Variants in MEI1 observed in about 807,000 individuals in gnomAD.
MEI1 encodes meiotic double-stranded break formation protein 1.
MEI1 carries 103 observed loss-of-function variants against 146.2 expected under a neutral mutation model. That is an observed-to-expected ratio of 0.70 (90% CI 0.60 to 0.83). The LOEUF (loss-of-function observed/expected upper bound fraction) is 0.83. MEI1 is among the 40% of genes least tolerant of loss of function. MEI1 has a pLI of 0.00. For missense variants in MEI1, 1,529 were observed against 1,533.0 expected (o/e 1.00, Z 0.04); for synonymous variants, 652 against 628.2 (o/e 1.04, Z -0.57).
intron 30 of MEI1, among the ~76,000 whole-genome samples, chr22:41,798,168 C>CACAT (rs1272050176): frequency 7.9e-6 from 1 of 126,720 alleles, no homozygotes; most frequent in African/African-American, 3.2e-5. Flanking sequence ...CACACACACA[C>CACAT]ACATAGTGTG....
rs768704745 is a variant in MEI1 at position 41,743,072 on chromosome 22, G to C, written c.1332-8G>C. On this transcript the variant is annotated splice_polypyrimidine_tract_variant and splice_region_variant and intron_variant, in intron 11 of 30. Transcript: ENST00000401548. ...ACCGTGAACCTGCTTTTGTCTCTCTGGATGCAGGAAGGACCATCAGAGCAC... is the reference window on the plus strand; with the variant it reads ...ACCGTGAACCTGCTTTTGTCTCTCTCGATGCAGGAAGGACCATCAGAGCAC... The C allele has an allele frequency of 3.1e-6, 5 of 1,600,692 alleles. No homozygotes were observed. In the Admixed American group the frequency reaches 5.0e-5, roughly 16 times the overall value.
chr22:41,748,688 G>A (rs1476768448), intron 15 of MEI1, among the ~76,000 whole-genome samples: 2 of 152,098 alleles, frequency 1.3e-5, no homozygotes, highest in Non-Finnish European at 2.9e-5. Flanking sequence ...TATTATGATT[G>A]TACTCATTCC....
At chr22:41,701,724 G>A (rs2147190922) in intron 1 of MEI1, among the ~76,000 whole-genome samples, 1 of 152,314 alleles carries the variant, frequency 6.6e-6, no homozygotes, top group East Asian at 1.9e-4. Context: ...GAACATGTTT[G>A]TAGTCAAGTG....
At chr22:41,714,717 A>G (rs1305890727) in intron 4 of MEI1, among the ~76,000 whole-genome samples, 2 of 5,646 alleles carry the variant, frequency 3.5e-4, no homozygotes, top group Non-Finnish European at 9.0e-4. Context: ...CTAAAAATAC[A>G]AAAAAAAAAA....
At chr22:41,744,063 G>A (rs2147767009) in intron 12 of MEI1, among the ~76,000 whole-genome samples, 1 of 151,714 alleles carries the variant, frequency 6.6e-6, no homozygotes, top group African/African-American at 2.4e-5. Context: ...TTTTAGTAGA[G>A]ACAGGGTTTC....
chr22:41,719,374 A>G (rs1458587902), intron 6 of MEI1, among the ~76,000 whole-genome samples: 3 of 152,136 alleles, frequency 2.0e-5, no homozygotes, highest in African/African-American at 7.2e-5. Flanking sequence ...TTTAGTGGAA[A>G]CGGGGTTTCA....
rs1367979706 is a variant in MEI1 at position 41,732,559 on chromosome 22, G to A, written c.1287G>A (p.Leu429=). 6.2e-7 allele frequency: 1 copy of A among 1,613,806 alleles called. No individual in the cohort carries two copies. The highest frequency in any genetic ancestry group is 1.7e-5 in the Admixed American group (1 of 60,016). Reference sequence around the variant, plus strand: ...AAGAAGCAGTTAGCAGCCCTGTGCTGGAGGTGGCTGCTGAGGCCTTGAAGG... The same window carrying A: ...AAGAAGCAGTTAGCAGCCCTGTGCTAGAGGTGGCTGCTGAGGCCTTGAAGG... ...ALQEAVSSPV[L]EVAAEALKAT... Residue 429 remains leucine, a synonymous_variant, in exon 11 of 31, where the codon CTG becomes CTA. Transcript: ENST00000401548.
intron 11 of MEI1, among the ~76,000 whole-genome samples, chr22:41,734,775 C>G (rs1349270904): frequency 6.6e-6 from 1 of 151,198 alleles, no homozygotes; most frequent in Non-Finnish European, 1.5e-5. Context: ...GTAGCTGGGA[C>G]TACAGGTGCG....
intron 1 of MEI1, among the ~76,000 whole-genome samples, chr22:41,700,939 C>CT (rs530432136): frequency 0.018 from 2,396 of 129,578 alleles, 61 homozygotes; most frequent in African/African-American, 0.054. Context: ...TTCTTTCTTT[C>CT]TTTTTTTTTT....
chr22:41,729,862 T>C, intron 8 of MEI1, 83 bp downstream of exon 8: 1 of 800,566 alleles, frequency 1.2e-6, no homozygotes, highest in Non-Finnish European at 1.9e-6. Flanking sequence ...ACAGACCCTA[T>C]GAACTATGTC....
At chr22:41,715,939 C>T in intron 4 of MEI1, 102 bp from the exon 5 acceptor site, 1 of 795,562 alleles carries the variant, frequency 1.3e-6, no homozygotes, top group South Asian at 1.7e-5. Context: ...TGGTGAGAGA[C>T]ACATGCAATA....
intron 3 of MEI1, among the ~76,000 whole-genome samples, chr22:41,708,674 C>G (rs1245315316): frequency 6.6e-6 from 1 of 152,110 alleles, no homozygotes; most frequent in Non-Finnish European, 1.5e-5. Flanking sequence ...ACAAGCCGAC[C>G]CTGACTTTCA....
chr22:41,763,782 A>C (rs1019985647), intron 19 of MEI1, among the ~76,000 whole-genome samples: 3 of 151,966 alleles, frequency 2.0e-5, no homozygotes, highest in South Asian at 2.1e-4. Flanking sequence ...AATTAAAAAA[A>C]AACAACAACT....
At chr22:41,788,668 C>T (rs1182472313) in intron 26 of MEI1, among the ~76,000 whole-genome samples, 5 of 151,524 alleles carry the variant, frequency 3.3e-5, no homozygotes, top group Non-Finnish European at 7.4e-5. Context: ...CTCAAACTCC[C>T]AACCTTAGGT....
chr22:41,775,577 A>G (rs975974206), intron 20 of MEI1, among the ~76,000 whole-genome samples: 41 of 151,266 alleles, frequency 2.7e-4, no homozygotes, highest in African/African-American at 1.0e-3. Context: ...GGATGGATTT[A>G]ATAGGATGGA....
At position 41,748,110 on chromosome 22, in the gene MEI1, C is replaced by T. The variant is rs768587294; in HGVS notation, c.1684C>T (p.His562Tyr). The change falls in exon 15 of 31, where the codon CAC becomes TAC. Residue 562 changes from histidine (H) to tyrosine (Y), a missense_variant. By Grantham distance (83) the His-to-Tyr change is moderately conservative. Transcript: ENST00000401548. ...DSLCIPMVMRHLEQTTHPALM... is the reference protein window; with the variant it reads ...DSLCIPMVMRYLEQTTHPALM... The stretch of plus-strand genomic sequence containing the variant: ...TCTCTCTCCTGGTTCTTTGCAGAGA[C>T]ACTTGGAGCAGACCACCCACCCAGC... 5.6e-6 allele frequency: 9 copies of T among 1,611,796 alleles called. No homozygotes were observed. Among genetic ancestry groups the T allele is most frequent in the Middle Eastern group, 1.6e-4 (1 of 6,082 alleles).
intron 7 of MEI1, among the ~76,000 whole-genome samples, chr22:41,724,804 T>A (rs946771942): frequency 7.9e-6 from 1 of 126,388 alleles, no homozygotes; most frequent in Non-Finnish European, 1.6e-5. Context: ...TTGTAAATTC[T>A]TTTTTTTTTT....
intron 26 of MEI1, among the ~76,000 whole-genome samples, chr22:41,786,535 G>A (rs1156765142): frequency 2.0e-5 from 3 of 152,234 alleles, no homozygotes; most frequent in Admixed American, 2.0e-4. Context: ...ATAGTAGGAT[G>A]ACCAGCAGTA....
intron 20 of MEI1, among the ~76,000 whole-genome samples, chr22:41,771,257 C>T (rs1338982391): frequency 6.6e-6 from 1 of 152,208 alleles, no homozygotes; most frequent in Non-Finnish European, 1.5e-5. Flanking sequence ...CCCCTCTCAC[C>T]TCCCTGTCAT....
Sources: allele counts gnomAD v4.1 joint callset (sites outside exome capture counted in the v4.1 genomes callset), GRCh38; gene constraint gnomAD v4.1.1; transcripts MANE v1.5; gene names NCBI Gene and HGNC (gene_info 2026-07-23, HGNC 2026-07-21).